CAMTA1: variants seen among roughly 807,000 people sequenced by gnomAD.
CAMTA1 encodes the protein calmodulin binding transcription activator 1.
In CAMTA1, 27 loss-of-function variants were observed where a neutral mutation model predicts 170.9. The observed-to-expected ratio is 0.16, with a 90% CI of 0.12 to 0.22. CAMTA1 has a LOEUF of 0.22. CAMTA1 is among the 10% of genes least tolerant of loss of function. The pLI, the probability that CAMTA1 is intolerant of heterozygous loss-of-function variation, is 1.00. For synonymous variants in CAMTA1, 833 were observed against 891.5 expected, an observed-to-expected ratio of 0.93 and a Z score of 1.17; for missense variants, 1,619 against 2,217.2, an observed-to-expected ratio of 0.73 and a Z score of 5.42.
chr1:7,034,242 C>T (rs1469443573), intron 3 of CAMTA1, among the ~76,000 whole-genome samples: 1 of 152,126 alleles, frequency 6.6e-6, no homozygotes, highest in Non-Finnish European at 1.5e-5. Flanking sequence ...ACTGCAACCT[C>T]CACCTCCCAG....
chr1:7,165,164 A>G (rs1648114273), intron 4 of CAMTA1, among the ~76,000 whole-genome samples: 1 of 152,220 alleles, frequency 6.6e-6, no homozygotes, highest in Non-Finnish European at 1.5e-5. Context: ...GGATGGATGA[A>G]TGTTGTCAAC....
intron 5 of CAMTA1, among the ~76,000 whole-genome samples, chr1:7,338,172 C>T (rs528293597): frequency 6.6e-5 from 10 of 152,168 alleles, no homozygotes; most frequent in South Asian, 2.1e-4. Context: ...GCTCTTGACA[C>T]CTCAGTCTCC....
At chr1:7,087,085 G>A (rs1363189387) in intron 3 of CAMTA1, among the ~76,000 whole-genome samples, 1 of 152,118 alleles carries the variant, frequency 6.6e-6, no homozygotes, top group East Asian at 1.9e-4. Context: ...TCTATACCTC[G>A]GTTTTTTTCC....
intron 1 of CAMTA1, among the ~76,000 whole-genome samples, chr1:6,796,387 T>G (rs1342781523): frequency 6.6e-6 from 1 of 152,118 alleles, no homozygotes; most frequent in Non-Finnish European, 1.5e-5. Context: ...ATCCACCCAC[T>G]TTGGCCTCCC....
chr1:7,365,372 T>G (rs755395816), intron 5 of CAMTA1, among the ~76,000 whole-genome samples: 1 of 152,350 alleles, frequency 6.6e-6, no homozygotes, highest in South Asian at 2.1e-4. Context: ...TCTCATTACT[T>G]TAGGAAGTGC....
rs977040070 is a variant in CAMTA1, at chr1:7,383,238, C to T, written c.439-84592C>T. On this transcript the variant is annotated intron_variant, in intron 5 of 22. Coordinates refer to ENST00000303635, the MANE Select transcript of CAMTA1 (RefSeq NM_015215.4). ...AGAAAAGGAAGAAGGAGGGCCAGGA[C>T]GGACATTGTTGCCAAATATAAATAG... Among the ~76,000 whole-genome samples the T allele has an allele frequency of 4.6e-5, 7 of 151,812 alleles. No individual in the cohort carries two copies. In the East Asian group the frequency reaches 7.7e-4, roughly 17 times the overall value.
chr1:6,869,949 C>G (rs1295840832), intron 3 of CAMTA1, among the ~76,000 whole-genome samples: 1 of 152,080 alleles, frequency 6.6e-6, no homozygotes, highest in African/African-American at 2.4e-5. Flanking sequence ...ATTTAGAAGA[C>G]TTTAAAAAAG....
At chr1:7,668,228 C>A (rs1398164207) in intron 9 of CAMTA1, among the ~76,000 whole-genome samples, 2 of 152,152 alleles carry the variant, frequency 1.3e-5, no homozygotes, top group African/African-American at 4.8e-5. Flanking sequence ...GGTTACTCAG[C>A]ACCCCCACCC....
At chr1:6,933,351 C>T (rs144406141) in intron 3 of CAMTA1, among the ~76,000 whole-genome samples, 175 of 152,250 alleles carry the variant, frequency 1.1e-3, no homozygotes, top group African/African-American at 3.9e-3. Flanking sequence ...CGTCCACCTC[C>T]CAGGTTCAAG....
At chr1:7,428,176 A>G (rs941923379) in intron 5 of CAMTA1, among the ~76,000 whole-genome samples, 1 of 152,118 alleles carries the variant, frequency 6.6e-6, no homozygotes, top group Non-Finnish European at 1.5e-5. Flanking sequence ...CTGGAGAGCT[A>G]TGGAGACGTT....
intron 5 of CAMTA1, among the ~76,000 whole-genome samples, chr1:7,377,629 C>T (rs1460354670): frequency 6.6e-6 from 1 of 152,198 alleles, no homozygotes; most frequent in Non-Finnish European, 1.5e-5. Context: ...AAACTATGGC[C>T]CATGAACCAA....
At chr1:7,245,717 A>C (rs542705533) in intron 4 of CAMTA1, among the ~76,000 whole-genome samples, 1 of 152,150 alleles carries the variant, frequency 6.6e-6, no homozygotes, top group African/African-American at 2.4e-5. Context: ...GCTGCAGTGG[A>C]GGTCTCGGAA....
intron 3 of CAMTA1, among the ~76,000 whole-genome samples, chr1:6,950,534 C>G (rs1208400038): frequency 6.6e-6 from 1 of 152,154 alleles, no homozygotes; most frequent in Non-Finnish European, 1.5e-5. Context: ...TTTCTCACTC[C>G]TGCCACATGC....
chr1:6,839,369 G>C (rs763313139), intron 3 of CAMTA1, among the ~76,000 whole-genome samples: 1 of 151,876 alleles, frequency 6.6e-6, no homozygotes, highest in Non-Finnish European at 1.5e-5. Context: ...GCGACAGAGC[G>C]AGACTCTCTT....
At chr1:7,229,585 G>C (rs1662342136) in intron 4 of CAMTA1, among the ~76,000 whole-genome samples, 1 of 120,042 alleles carries the variant, frequency 8.3e-6, no homozygotes, top group South Asian at 3.5e-4. Context: ...GGTGAGGAGA[G>C]GAGGGGAGGG....
rs574602235 is a variant in CAMTA1 at position 7,547,988 on chromosome 1, C to T, written c.510+80087C>T. Among the ~76,000 whole-genome samples, 1 of 152,300 alleles carries T rather than the reference C, an allele frequency of 6.6e-6. No individual in the cohort carries two copies. Among genetic ancestry groups the T allele is most frequent in the Admixed American group, 6.5e-5 (1 of 15,302 alleles). ...TGACGTGATTGATTAGTAATGTCTG[C>T]CATGAACAGAGGGACAGGAAGGGTT... On this transcript the variant is annotated intron_variant, in intron 6 of 22. Coordinates refer to ENST00000303635, the MANE Select transcript of CAMTA1 (RefSeq NM_015215.4). This position sits in a 1 kb window ranked among gnomAD's most constrained non-coding sequence, Gnocchi z 5.7.
chr1:7,404,520 G>C (rs1223213466), intron 5 of CAMTA1, among the ~76,000 whole-genome samples: 1 of 152,252 alleles, frequency 6.6e-6, no homozygotes, highest in African/African-American at 2.4e-5. Context: ...GAGCTGATGG[G>C]AAATGTGAGC....
At chr1:7,605,781 G>A (rs866901486) in intron 6 of CAMTA1, among the ~76,000 whole-genome samples, 16 of 152,202 alleles carry the variant, frequency 1.1e-4, no homozygotes, top group Admixed American at 2.6e-4. Context: ...TCGCTCATGC[G>A]GGGAGCTGTA....
At chr1:7,290,167 C>T (rs1315337249) in intron 5 of CAMTA1, among the ~76,000 whole-genome samples, 1 of 152,188 alleles carries the variant, frequency 6.6e-6, no homozygotes, top group Non-Finnish European at 1.5e-5. Flanking sequence ...GCAGCATTTC[C>T]ATCAGAATGA....
Sources: allele counts gnomAD v4.1 joint callset (sites outside exome capture counted in the v4.1 genomes callset), GRCh38; gene constraint gnomAD v4.1.1; non-coding constraint Gnocchi (gnomAD v3.1); transcripts MANE v1.5; gene names NCBI Gene and HGNC (gene_info 2026-07-23, HGNC 2026-07-21).